Variants in PTCD1 observed in about 807,000 individuals in gnomAD.
The protein encoded by PTCD1 is pentatricopeptide repeat domain 1.
In PTCD1, 50 loss-of-function variants were observed where a neutral mutation model predicts 53.4. The ratio of observed to expected loss-of-function variants is 0.94; its 90% CI spans 0.75 to 1.19. The LOEUF is 1.19. Ranked by LOEUF, PTCD1 falls within the 50% of genes most tolerant of loss-of-function variation. PTCD1 has a pLI of 0.00. For missense variants in PTCD1, 918 were observed against 904.8 expected, an observed-to-expected ratio of 1.01 and a Z score of -0.19; for synonymous variants, 413 against 394.8, an observed-to-expected ratio of 1.05 and a Z score of -0.55.
intron 3 of PTCD1, among the ~76,000 whole-genome samples, chr7:99,431,571 A>C (rs1167178822): frequency 6.6e-6 from 1 of 152,148 alleles, no homozygotes; most frequent in Non-Finnish European, 1.5e-5. Flanking sequence ...TGCTGTCTCT[A>C]CTAAAAATAC....
Position 99,417,962 on chromosome 7 carries a change from C to T in PTCD1, c.*2005G>A. The T allele has an allele frequency of 8.3e-7, 1 of 1,202,216 alleles. No individual in the cohort carries two copies. Among genetic ancestry groups the T allele is most frequent in the Non-Finnish European group, 1.0e-6 (1 of 955,202 alleles). The allele number at this position is 1,202,216 out of a possible 1,614,324, so 74.5% of individuals were successfully genotyped here. ...CCTCACAGTGATACTTTAACATTAC[C>T]ATCACTATCTTTCCCGCCCCCCCAA... On this transcript the variant is annotated 3_prime_UTR_variant, in exon 8 of 8. Coordinates refer to ENST00000292478, the MANE Select transcript of PTCD1 (RefSeq NM_015545.4).
chr7:99,431,672 C>T (rs974894734), intron 3 of PTCD1, among the ~76,000 whole-genome samples: 2 of 151,848 alleles, frequency 1.3e-5, no homozygotes, highest in Non-Finnish European at 2.9e-5. Flanking sequence ...GCCCAGGAGG[C>T]GGAGGTTCCA....
At chr7:99,433,500 A>T (rs901103152) in intron 2 of PTCD1, 82 bp from the exon 3 acceptor site, 104 of 1,608,658 alleles carry the variant, frequency 6.5e-5, no homozygotes, top group Non-Finnish European at 7.7e-5. Flanking sequence ...AAGCTGAGGG[A>T]CCCTCCTAAA....
rs540741256 is a variant in PTCD1, at chr7:99,419,863, C to A, written c.*104G>T. On this transcript the variant is annotated 3_prime_UTR_variant, in exon 8 of 8. Coordinates refer to ENST00000292478, the MANE Select transcript of PTCD1 (RefSeq NM_015545.4). ...CCTGTGACACGCTGCGGCTGTTCCT[C>A]AGGGCCTGGCTCTTCCCCCAGGCAG... is the stretch of plus-strand genomic sequence containing the variant. 1.3e-6 allele frequency: 2 copies of A among 1,582,004 alleles called. No individual in the cohort carries two copies. The highest frequency in any genetic ancestry group is 2.7e-5 in the African/African-American group (2 of 74,422).
chr7:99,420,253 C>G, intron 7 of PTCD1, 104 bp from the exon 8 acceptor site: 1 of 1,527,720 alleles, frequency 6.5e-7, no homozygotes, highest in African/African-American at 1.4e-5. Context: ...CTGCCATTTT[C>G]CCTTCCAGGT....
At chr7:99,433,479 G>C in intron 2 of PTCD1, 61 bp from the exon 3 acceptor site, 2 of 1,612,512 alleles carry the variant, frequency 1.2e-6, no homozygotes, top group Non-Finnish European at 1.7e-6. Context: ...TCAGCAGAGA[G>C]AGGGAGGTTG....
chr7:99,434,754 G>C, intron 2 of PTCD1, 36 bp downstream of exon 2: 1 of 1,612,692 alleles, frequency 6.2e-7, no homozygotes. Flanking sequence ...CCAGGGGAAA[G>C]AAGCCAGGAG....
At position 99,419,207 on chromosome 7, in the gene PTCD1, C is replaced by G. The variant is rs530790749; in HGVS notation, c.*760G>C. 2.6e-4 allele frequency: 157 copies of G among 612,734 alleles called. 2 individuals are homozygous for G. Among genetic ancestry groups the G allele is most frequent in the South Asian group, 1.8e-3 (93 of 52,268 alleles). 38.0% of individuals were successfully genotyped at this position (612,734 alleles called of 1,614,324 possible). A position where few individuals can be genotyped will look rare whatever the true frequency, so the allele number is the denominator to read the frequency against. On this transcript the variant is annotated 3_prime_UTR_variant, in exon 8 of 8. Transcript: ENST00000292478. ...ACAGATGTAACCTCGGTGTCAACAG[C>G]AGCTGGTTCTACCTTCATGAGGGAG... is the stretch of plus-strand genomic sequence containing the variant.
At chr7:99,426,618 C>T (rs377442748) in intron 5 of PTCD1, among the ~76,000 whole-genome samples, 2 of 152,058 alleles carry the variant, frequency 1.3e-5, no homozygotes, top group Non-Finnish European at 2.9e-5. Context: ...AAGTGAGGAG[C>T]GTCTCTGCCT....
chr7:99,419,704 TG>T lies in PTCD1; in HGVS notation c.*262del. On this transcript the variant is annotated 3_prime_UTR_variant, in exon 8 of 8. Transcript: ENST00000292478. ...GGGACCAGATGCCCCAGCCCCCTTG[TG>T]GTGTGTGAGGTGACACACAAAGGTA... 1.4e-6 allele frequency: 1 copy of T among 696,310 alleles called. No homozygotes were observed. Among genetic ancestry groups the T allele is most frequent in the Non-Finnish European group, 2.4e-6 (1 of 423,994 alleles). The allele number at this position is 696,310 out of a possible 1,614,324, so 43.1% of individuals were successfully genotyped here.
chr7:99,424,646 A>G lies in PTCD1; in HGVS notation c.1737+149T>C, dbSNP rs1795947794. ...TGCTTCCCCCAAAATGGGACCAAAG[A>G]CCAGAAGGTCATTGACCCCACTCTC... is the stretch of plus-strand genomic sequence containing the variant. On this transcript the variant is annotated intron_variant, in intron 6 of 7. Coordinates refer to ENST00000292478, the MANE Select transcript of PTCD1 (RefSeq NM_015545.4). 3 of 1,089,732 alleles carry G rather than the reference A, an allele frequency of 2.8e-6. No homozygotes were observed. In the East Asian group the frequency reaches 7.8e-5, roughly 28 times the overall value. 67.5% of individuals were successfully genotyped at this position (1,089,732 alleles called of 1,614,324 possible). A position where few individuals can be genotyped will look rare whatever the true frequency, so the allele number is the denominator to read the frequency against.
At chr7:99,432,084 G>A (rs562019907) in intron 3 of PTCD1, among the ~76,000 whole-genome samples, 1 of 152,358 alleles carries the variant, frequency 6.6e-6, no homozygotes, top group Non-Finnish European at 1.5e-5. Flanking sequence ...AGGAAAGCCA[G>A]GTATTGTCCA....
chr7:99,422,265 A>C (rs966547923), intron 7 of PTCD1, among the ~76,000 whole-genome samples: 2 of 152,176 alleles, frequency 1.3e-5, no homozygotes, highest in African/African-American at 4.8e-5. Flanking sequence ...TGACACCTGC[A>C]CGGCGTTCCT....
intron 5 of PTCD1, among the ~76,000 whole-genome samples, chr7:99,427,485 G>A (rs1328488563): frequency 9.0e-5 from 13 of 145,210 alleles, no homozygotes; most frequent in East Asian, 2.1e-4. Context: ...GAGGTGGGGG[G>A]GGTCAGCCCC....
Position 99,419,517 on chromosome 7 carries a change from G to T in PTCD1, c.*450C>A. 1 of 1,555,086 alleles carries T rather than the reference G, an allele frequency of 6.4e-7. No homozygotes were observed. On this transcript the variant is annotated 3_prime_UTR_variant, in exon 8 of 8. Transcript: ENST00000292478. Reference sequence around the variant, plus strand: ...ACGCCACCCCCTTCCTGGGAGCAGCGAGCAGTGCCCCAGGCCCGAGTTGGA... The same window carrying T: ...ACGCCACCCCCTTCCTGGGAGCAGCTAGCAGTGCCCCAGGCCCGAGTTGGA...
chr7:99,428,948 G>A, intron 5 of PTCD1, 155 bp downstream of exon 5: 1 of 904,664 alleles, frequency 1.1e-6, no homozygotes, highest in Non-Finnish European at 1.7e-6. Context: ...CCTGCCATCT[G>A]TAGAATGGAG....
intron 5 of PTCD1, among the ~76,000 whole-genome samples, chr7:99,427,277 C>T (rs72494444): frequency 0.27 from 37,715 of 138,986 alleles, 8,556 homozygotes; most frequent in African/African-American, 0.62. Context: ...CCCCTCTGCC[C>T]GGCTAGCACC....
intron 7 of PTCD1, among the ~76,000 whole-genome samples, chr7:99,420,406 GCTC>G (rs1271626314): frequency 6.6e-6 from 1 of 152,198 alleles, no homozygotes; most frequent in Non-Finnish European, 1.5e-5. Context: ...GCACCACTGT[GCTC>G]CTCCATCCGC....
chr7:99,434,530 T>G (rs1223503892), intron 2 of PTCD1, among the ~76,000 whole-genome samples: 43 of 147,584 alleles, frequency 2.9e-4, no homozygotes, highest in African/African-American at 1.1e-3. Flanking sequence ...TGAGACAGAC[T>G]CTTGTTCTGT....
Sources: gnomAD v4.1 joint callset for allele counts (sites outside exome capture counted in the v4.1 genomes callset) on GRCh38, gnomAD v4.1.1 for gene constraint, MANE v1.5 for transcripts, NCBI Gene and HGNC (gene_info 2026-07-23, HGNC 2026-07-21) for gene names.